LARGE1: variants seen among roughly 807,000 people sequenced by gnomAD.
LARGE1 encodes LARGE xylosyl- and glucuronyltransferase 1.
A neutral mutation model predicts 87.6 loss-of-function variants in LARGE1; 43 were observed. That is an observed-to-expected ratio of 0.49 (90% CI 0.38 to 0.63). The LOEUF is 0.63. Among genes scored for constraint, LARGE1 ranks in the 30% least tolerant of loss-of-function variants. The pLI, the probability that LARGE1 is intolerant of heterozygous loss-of-function variation, is 0.00. For synonymous variants in LARGE1, 434 were observed against 394.6 expected (o/e 1.10, Z -1.18); for missense variants, 802 against 1,000.2 (o/e 0.80, Z 2.67).
At chr22:33,247,501 A>G (rs1291993059) in intron 11 of LARGE1, among the ~76,000 whole-genome samples, 3 of 152,230 alleles carry the variant, frequency 2.0e-5, no homozygotes, top group Non-Finnish European at 4.4e-5. Flanking sequence ...GCTGCCACAG[A>G]TCACGTAAAA....
chr22:33,761,218 T>C (rs1206298329), intron 2 of LARGE1, among the ~76,000 whole-genome samples, 153 bp downstream of exon 2: 1 of 152,058 alleles, frequency 6.6e-6, no homozygotes, highest in Non-Finnish European at 1.5e-5. Flanking sequence ...TGTTGACTGC[T>C]GCCAACTACC....
intron 1 of LARGE1, among the ~76,000 whole-genome samples, chr22:33,846,917 T>G (rs4591436): frequency 0.4 from 60,894 of 152,054 alleles, 12,273 homozygotes; most frequent in Admixed American, 0.51. Flanking sequence ...ATTTCACCCC[T>G]GTCCTGTGGT....
At chr22:33,710,437 G>A (rs1462901999) in intron 2 of LARGE1, among the ~76,000 whole-genome samples, 2 of 152,334 alleles carry the variant, frequency 1.3e-5, no homozygotes, top group African/African-American at 4.8e-5. Flanking sequence ...AGCTGAACAA[G>A]TTAGGAAGAC....
At chr22:33,532,090 C>A (rs562018046) in intron 6 of LARGE1, among the ~76,000 whole-genome samples, 2 of 152,352 alleles carry the variant, frequency 1.3e-5, no homozygotes, top group South Asian at 2.1e-4. Context: ...ATTTAATTAA[C>A]ACTTGCTAAA....
chr22:33,371,651 G>A (rs1026428991), intron 9 of LARGE1, among the ~76,000 whole-genome samples: 2 of 152,112 alleles, frequency 1.3e-5, no homozygotes, highest in Non-Finnish European at 1.5e-5. Flanking sequence ...AAGTAATCTA[G>A]GTGAATTGTT....
At chr22:33,409,731 C>T (rs1601741232) in intron 7 of LARGE1, among the ~76,000 whole-genome samples, 2 of 151,998 alleles carry the variant, frequency 1.3e-5, no homozygotes, top group South Asian at 4.2e-4. Flanking sequence ...TGTGGTGGCA[C>T]ACGCCTTTAG....
At chr22:33,260,975 G>A (rs893722130) in intron 11 of LARGE1, among the ~76,000 whole-genome samples, 17 of 152,088 alleles carry the variant, frequency 1.1e-4, no homozygotes, top group Admixed American at 5.9e-4. Flanking sequence ...GAAATGTCAG[G>A]GTTTTCAAAA....
chr22:33,273,188 A>G lies in LARGE1; in HGVS notation c.*1239T>C, dbSNP rs1435907421. On this transcript the variant is annotated 3_prime_UTR_variant, in exon 15 of 15. Transcript: ENST00000397394. ...TAGGGCATTAACTCTTGTTCTCATC[A>G]ATGTAAACACAATATTAATATTGAA... is the stretch of plus-strand genomic sequence containing the variant. 1 of 386,668 alleles carries G rather than the reference A, an allele frequency of 2.6e-6. No homozygotes were observed. Among genetic ancestry groups the G allele is most frequent in the African/African-American group, 2.1e-5 (1 of 48,354 alleles). The allele number at this position is 386,668 out of a possible 1,614,324, so 24.0% of individuals were successfully genotyped here. A position where few individuals can be genotyped will look rare whatever the true frequency, so the allele number is the denominator to read the frequency against.
At chr22:33,380,859 G>C (rs2065132562) in intron 9 of LARGE1, among the ~76,000 whole-genome samples, 1 of 152,216 alleles carries the variant, frequency 6.6e-6, no homozygotes, top group South Asian at 2.1e-4. Context: ...AGCCCTTGCT[G>C]TCAGACAGGC....
chr22:33,163,106 T>C (rs1177111947), exon 12 of LARGE1: 1 of 152,250 alleles, frequency 6.6e-6, no homozygotes, highest in Non-Finnish European at 1.5e-5. Flanking sequence ...TCAAATATTA[T>C]GAGTTTCTTT....
intron 4 of LARGE1, among the ~76,000 whole-genome samples, chr22:33,605,704 T>C (rs1046594407): frequency 9.2e-5 from 14 of 152,164 alleles, no homozygotes; most frequent in Admixed American, 3.3e-4. Flanking sequence ...ATGCCATGAA[T>C]GAGTACCTAC....
intron 6 of LARGE1, among the ~76,000 whole-genome samples, chr22:33,510,329 C>T (rs2070996736): frequency 6.6e-6 from 1 of 152,144 alleles, no homozygotes; most frequent in African/African-American, 2.4e-5. Flanking sequence ...CTGATTTAAT[C>T]AATAACTATA....
chr22:33,767,307 G>T (rs1037555553), intron 1 of LARGE1, among the ~76,000 whole-genome samples: 3 of 151,634 alleles, frequency 2.0e-5, no homozygotes, highest in Admixed American at 6.6e-5. Context: ...GGGCGACAGA[G>T]CAAGACTCCA....
At chr22:33,876,043 A>C (rs918808231) in intron 1 of LARGE1, among the ~76,000 whole-genome samples, 6 of 152,238 alleles carry the variant, frequency 3.9e-5, no homozygotes, top group African/African-American at 1.4e-4. Context: ...AAAACGTCAT[A>C]GAAGAAAACA....
At chr22:33,148,879 G>A in the LARGE1 span, among the ~76,000 whole-genome samples, 2 of 151,988 alleles carry the variant, frequency 1.3e-5, no homozygotes, top group South Asian at 4.1e-4. Flanking sequence ...TTGGTGCAAT[G>A]TCTGTCCAGG....
chr22:33,328,973 T>C (rs1395926049), intron 10 of LARGE1, among the ~76,000 whole-genome samples: 6 of 152,020 alleles, frequency 3.9e-5, no homozygotes, highest in Non-Finnish European at 8.8e-5. Context: ...TGTATTTCCC[T>C]TTCTCTTTCT....
At chr22:33,922,247 T>C (rs940285742), upstream of LARGE1, among the ~76,000 whole-genome samples, 103 of 43,692 alleles carry the variant, frequency 2.4e-3, no homozygotes, top group African/African-American at 9.7e-3. Flanking sequence ...GTTGCCCAGC[T>C]GACCCCACTC....
the LARGE1 span, among the ~76,000 whole-genome samples, chr22:33,119,067 T>C: frequency 6.6e-6 from 1 of 152,194 alleles, no homozygotes; most frequent in East Asian, 1.9e-4. Flanking sequence ...AAAAGGGCTA[T>C]GGGTAGGAGA....
intron 1 of LARGE1, among the ~76,000 whole-genome samples, chr22:33,879,541 C>T (rs1025450960): frequency 3.9e-5 from 6 of 152,236 alleles, no homozygotes; most frequent in African/African-American, 7.2e-5. Context: ...ATCCACCCTT[C>T]ATTTTAGGCC....
Sources: gnomAD v4.1 joint callset for allele counts (sites outside exome capture counted in the v4.1 genomes callset) on GRCh38, gnomAD v4.1.1 for gene constraint, MANE v1.5 for transcripts, NCBI Gene and HGNC (gene_info 2026-07-23, HGNC 2026-07-21) for gene names.